Variants in CFAP95 observed in about 807,000 individuals in gnomAD.
CFAP95 encodes cilia and flagella associated protein 95, also known as cilia- and flagella-associated protein 95.
chr9:69,895,335 GTCTCTCTCTC>G, the CFAP95 span, among the ~76,000 whole-genome samples: 242 of 121,266 alleles, frequency 2.0e-3, 1 homozygote, highest in African/African-American at 6.4e-3. Context: ...CTTAAAATCA[GTCTCTCTCTC>G]TCTCTCTCTC....
At chr9:69,863,738 G>A in the CFAP95 span, among the ~76,000 whole-genome samples, 1 of 152,056 alleles carries the variant, frequency 6.6e-6, no homozygotes, top group Admixed American at 6.6e-5. Flanking sequence ...ACTGTATCAA[G>A]CAGATCCAAT....
chr9:69,864,828 C>T, the CFAP95 span, among the ~76,000 whole-genome samples: 22,172 of 152,164 alleles, frequency 0.15, 1,676 homozygotes, highest in East Asian at 0.27. Context: ...AAGTACAGTA[C>T]AGGACATTTA....
the CFAP95 span, chr9:69,902,299 C>G: frequency 4.4e-6 from 2 of 454,248 alleles, no homozygotes; most frequent in African/African-American, 4.0e-5. Context: ...CTTCTCTAAG[C>G]CTTCATAGCA....
chr9:69,884,844 A>G, the CFAP95 span, among the ~76,000 whole-genome samples: 1 of 137,520 alleles, frequency 7.3e-6, no homozygotes, highest in Admixed American at 7.3e-5. Context: ...CCTGACTTCT[A>G]TTAGATTTGT....
At chr9:69,888,306 T>G in the CFAP95 span, among the ~76,000 whole-genome samples, 2 of 152,036 alleles carry the variant, frequency 1.3e-5, no homozygotes, top group Non-Finnish European at 2.9e-5. Context: ...TTTTTCTATT[T>G]AAAAAAATAA....
the CFAP95 span, among the ~76,000 whole-genome samples, chr9:69,901,622 C>G: frequency 2.0e-5 from 3 of 152,246 alleles, no homozygotes; most frequent in South Asian, 2.1e-4. Context: ...CAAGTCTTTG[C>G]TATTGTGAAT....
At chr9:69,833,390 C>T in the CFAP95 span, among the ~76,000 whole-genome samples, 2 of 152,102 alleles carry the variant, frequency 1.3e-5, no homozygotes, top group South Asian at 2.1e-4. Context: ...TTAGTAGATA[C>T]GGGGTTTCGC....
chr9:69,895,209 G>C, the CFAP95 span, among the ~76,000 whole-genome samples: 1 of 152,006 alleles, frequency 6.6e-6, no homozygotes, highest in Non-Finnish European at 1.5e-5. Flanking sequence ...TCAGTTTATA[G>C]CCTTAAGTGC....
the CFAP95 span, chr9:69,844,410 T>G: frequency 1.6e-6 from 1 of 612,586 alleles, no homozygotes; most frequent in Non-Finnish European, 2.7e-6. Context: ...AATTTATACT[T>G]AATACTACAA....
At chr9:69,856,704 AATGTGGAC>A in the CFAP95 span, 13 of 1,493,774 alleles carry the variant, frequency 8.7e-6, no homozygotes, top group Non-Finnish European at 1.1e-5. Flanking sequence ...TACTTTATAG[AATGTGGAC>A]ATGCAGAAAG....
chr9:69,864,083 C>T, the CFAP95 span, among the ~76,000 whole-genome samples: 1 of 152,002 alleles, frequency 6.6e-6, no homozygotes, highest in Non-Finnish European at 1.5e-5. Flanking sequence ...GGAGAAGCAC[C>T]CGAGGTAGAC....
At chr9:69,831,040 A>T in the CFAP95 span, among the ~76,000 whole-genome samples, 1 of 152,154 alleles carries the variant, frequency 6.6e-6, no homozygotes, top group Non-Finnish European at 1.5e-5. Flanking sequence ...TTTAGTTATT[A>T]TTGGTCACAC....
chr9:69,893,371 A>C, the CFAP95 span, among the ~76,000 whole-genome samples: 1 of 152,248 alleles, frequency 6.6e-6, no homozygotes, highest in African/African-American at 2.4e-5. Flanking sequence ...GACAAGAGAA[A>C]GAATGGCTTG....
At chr9:69,893,516 T>C in the CFAP95 span, among the ~76,000 whole-genome samples, 1 of 152,226 alleles carries the variant, frequency 6.6e-6, no homozygotes. Context: ...TATCTTTGCT[T>C]CATTCCATGT....
At chr9:69,880,146 A>G in the CFAP95 span, among the ~76,000 whole-genome samples, 1 of 152,194 alleles carries the variant, frequency 6.6e-6, no homozygotes, top group East Asian at 1.9e-4. Flanking sequence ...CAAACAATCC[A>G]ATTATACTCT....
At chr9:69,840,782 A>G in the CFAP95 span, among the ~76,000 whole-genome samples, 1 of 152,098 alleles carries the variant, frequency 6.6e-6, no homozygotes, top group Non-Finnish European at 1.5e-5. Flanking sequence ...TCTTGGGAGT[A>G]GGGGCAGATT....
chr9:69,822,096 A>G, the CFAP95 span, among the ~76,000 whole-genome samples: 1 of 152,214 alleles, frequency 6.6e-6, no homozygotes, highest in East Asian at 1.9e-4. Context: ...AGGACTTTTC[A>G]AATTCTTTCC....
chr9:69,900,695 A>G, the CFAP95 span, among the ~76,000 whole-genome samples: 1 of 152,144 alleles, frequency 6.6e-6, no homozygotes, highest in African/African-American at 2.4e-5. Context: ...CTTCCTCTGC[A>G]GACTTGCAGC....
chr9:69,879,977 T>C, the CFAP95 span, among the ~76,000 whole-genome samples: 1 of 152,172 alleles, frequency 6.6e-6, no homozygotes, highest in Non-Finnish European at 1.5e-5. Context: ...TTGTTTGTTT[T>C]GGTTTATTTT....
Sources: gnomAD v4.1 joint callset for allele counts (sites outside exome capture counted in the v4.1 genomes callset) on GRCh38, gnomAD v4.1.1 for gene constraint, MANE v1.5 for transcripts, NCBI Gene and HGNC (gene_info 2026-07-23, HGNC 2026-07-21) for gene names.